COL14A1: variants seen among roughly 807,000 people sequenced by gnomAD.
The protein encoded by COL14A1 is collagen type XIV alpha 1 chain.
A neutral mutation model predicts 230.3 loss-of-function variants in COL14A1; 136 were observed. That is an observed-to-expected ratio of 0.59 (90% CI 0.51 to 0.68). COL14A1 has a LOEUF of 0.68. Ranked by LOEUF, COL14A1 falls within the 30% of genes least tolerant of loss-of-function variation. The pLI, the probability that COL14A1 is intolerant of heterozygous loss-of-function variation, is 0.00. For missense variants in COL14A1, 1,976 were observed against 2,215.8 expected, an observed-to-expected ratio of 0.89 and a Z score of 2.17; for synonymous variants, 792 against 784.1, an observed-to-expected ratio of 1.01 and a Z score of -0.17.
At chr8:120,176,225 A>G (rs915009672) in intron 5 of COL14A1, among the ~76,000 whole-genome samples, 11 of 152,168 alleles carry the variant, frequency 7.2e-5, no homozygotes, top group African/African-American at 2.7e-4. Context: ...GGTAATTATC[A>G]CCTAGTGTCA....
At chr8:120,311,541 G>T (rs553991125) in intron 37 of COL14A1, among the ~76,000 whole-genome samples, 3 of 152,288 alleles carry the variant, frequency 2.0e-5, no homozygotes, top group African/African-American at 7.2e-5. Context: ...GTGAGTAGTG[G>T]TTTTTGGAAA....
chr8:120,289,994 C>T (rs987398992), intron 34 of COL14A1, among the ~76,000 whole-genome samples: 2 of 152,062 alleles, frequency 1.3e-5, no homozygotes, highest in African/African-American at 4.8e-5. Context: ...TATGCTTCCA[C>T]TGTATTATAT....
intron 40 of COL14A1, among the ~76,000 whole-genome samples, chr8:120,324,242 G>A (rs1185331777): frequency 1.3e-5 from 2 of 151,752 alleles, no homozygotes; most frequent in East Asian, 1.9e-4. Flanking sequence ...AAAAATAAAT[G>A]AATAAGTAAA....
intron 5 of COL14A1, among the ~76,000 whole-genome samples, chr8:120,185,181 A>G (rs1222223339): frequency 1.3e-5 from 2 of 152,186 alleles, no homozygotes; most frequent in African/African-American, 4.8e-5. Context: ...CACTCAGATT[A>G]ATGTAAATTC....
chr8:120,198,449 A>G (rs914296584), intron 7 of COL14A1, among the ~76,000 whole-genome samples: 1 of 152,124 alleles, frequency 6.6e-6, no homozygotes, highest in Non-Finnish European at 1.5e-5. Flanking sequence ...AAGAATATTT[A>G]CATTATAATC....
intron 36 of COL14A1, among the ~76,000 whole-genome samples, chr8:120,308,073 C>G (rs1423581749): frequency 6.6e-6 from 1 of 152,336 alleles, no homozygotes; most frequent in East Asian, 1.9e-4. Context: ...CCTCTGCCTC[C>G]TGGGTTTAAG....
intron 28 of COL14A1, 58 bp downstream of exon 28, chr8:120,278,636 A>C: frequency 6.5e-7 from 1 of 1,535,254 alleles, no homozygotes; most frequent in Non-Finnish European, 8.8e-7. Flanking sequence ...TTATTTTCTA[A>C]ATACAAATTT....
chr8:120,160,976 A>G lies in COL14A1; in HGVS notation c.206-1450A>G, dbSNP rs746426619. Among the ~76,000 whole-genome samples the G allele has an allele frequency of 3.4e-4, 52 of 152,188 alleles. 1 individual carries two copies. Among genetic ancestry groups the G allele is most frequent in the South Asian group, 4.1e-4 (2 of 4,832 alleles). ...CTCTCAAAGAGGGACTCTAATATAC[A>G]GGGTTTGTTTTTTGAGAAACTTTTT... On this transcript the variant is annotated intron_variant, in intron 3 of 47. Coordinates refer to ENST00000297848, the MANE Select transcript of COL14A1 (RefSeq NM_021110.4).
At chr8:120,332,326 A>G in intron 41 of COL14A1, 132 bp downstream of exon 41, 1 of 807,826 alleles carries the variant, frequency 1.2e-6, no homozygotes, top group Non-Finnish European at 2.0e-6. Flanking sequence ...CCCTTGATAG[A>G]GAACTCTCCC....
intron 5 of COL14A1, among the ~76,000 whole-genome samples, chr8:120,177,407 G>A (rs866289331): frequency 6.6e-6 from 1 of 152,046 alleles, no homozygotes; most frequent in South Asian, 2.1e-4. Context: ...CCAGCACTTT[G>A]GAAGGCTGAG....
intron 22 of COL14A1, among the ~76,000 whole-genome samples, chr8:120,254,419 T>C (rs748399266): frequency 1.1e-4 from 16 of 152,142 alleles, no homozygotes; most frequent in South Asian, 2.1e-4. Flanking sequence ...TATTCAATCG[T>C]GTTTTGAAGA....
intron 42 of COL14A1, among the ~76,000 whole-genome samples, chr8:120,334,585 A>ACACACAC (rs113923173): frequency 0.026 from 3,775 of 144,728 alleles, 66 homozygotes; most frequent in African/African-American, 0.039. Context: ...CACACACAAA[A>ACACACAC]ACACACACAC....
chr8:120,242,959 G>C (rs1335944380), intron 19 of COL14A1, among the ~76,000 whole-genome samples: 2 of 152,190 alleles, frequency 1.3e-5, no homozygotes, highest in South Asian at 2.1e-4. Flanking sequence ...GAATCGAAAA[G>C]TAACTCCAGC....
intron 2 of COL14A1, among the ~76,000 whole-genome samples, chr8:120,152,985 G>A (rs906327727): frequency 1.3e-5 from 2 of 152,074 alleles, no homozygotes; most frequent in Non-Finnish European, 2.9e-5. Context: ...TTGAAAAGTT[G>A]AGAATATTTT....
intron 1 of COL14A1, among the ~76,000 whole-genome samples, chr8:120,145,096 T>G (rs1338366678): frequency 6.6e-6 from 1 of 152,172 alleles, no homozygotes; most frequent in Non-Finnish European, 1.5e-5. Context: ...TTATTTTGTT[T>G]AAAAAAATTT....
chr8:120,196,339 G>A (rs936039193), intron 5 of COL14A1, among the ~76,000 whole-genome samples: 6 of 152,118 alleles, frequency 3.9e-5, no homozygotes, highest in South Asian at 2.1e-4. Context: ...CAGAAAGTCC[G>A]CATTTCTCTT....
chr8:120,161,675 T>C (rs1473026732), intron 3 of COL14A1, among the ~76,000 whole-genome samples: 2 of 152,158 alleles, frequency 1.3e-5, no homozygotes, highest in Non-Finnish European at 2.9e-5. Context: ...TTCACATTTT[T>C]TTTTTGAGGC....
intron 2 of COL14A1, among the ~76,000 whole-genome samples, chr8:120,151,511 G>T (rs916102646): frequency 6.6e-6 from 1 of 151,674 alleles, no homozygotes; most frequent in Non-Finnish European, 1.5e-5. Flanking sequence ...ATGATGGTGC[G>T]CGCCTGTAGT....
In COL14A1 at chr8:120,373,114, A is replaced by G. The variant is rs1812216785; in HGVS notation, c.*1883A>G. Among the ~76,000 whole-genome samples, 1 of 152,172 alleles carries G rather than the reference A, an allele frequency of 6.6e-6. No individual in the cohort carries two copies. The highest frequency in any genetic ancestry group is 1.5e-5 in the Non-Finnish European group (1 of 68,018). On this transcript the variant is annotated 3_prime_UTR_variant, in exon 48 of 48. Coordinates refer to ENST00000297848, the MANE Select transcript of COL14A1 (RefSeq NM_021110.4). ...GTCCATGACATTTAATAGTGAGTAT[A>G]GAGTAGGATATTCTATACATTTTAG...
Sources: allele counts gnomAD v4.1 joint callset (sites outside exome capture counted in the v4.1 genomes callset), GRCh38; gene constraint gnomAD v4.1.1; transcripts MANE v1.5; gene names NCBI Gene and HGNC (gene_info 2026-07-23, HGNC 2026-07-21).